The following SLC28A1 variants were observed in gnomAD, a reference collection of about 807,000 sequenced individuals.
The protein encoded by SLC28A1 is solute carrier family 28 member 1.
Under a neutral mutation model 74.8 loss-of-function variants are expected in SLC28A1, and 64 were observed. That is an observed-to-expected ratio of 0.86 (90% CI 0.70 to 1.05). SLC28A1 has a LOEUF of 1.05. SLC28A1 is among the 50% of genes least tolerant of loss of function. The pLI is 0.00. For missense variants in SLC28A1, 828 were observed against 822.8 expected, an observed-to-expected ratio of 1.01 and a Z score of -0.08; for synonymous variants, 359 against 335.0, an observed-to-expected ratio of 1.07 and a Z score of -0.78.
At chr15:84,919,870 C>G (rs942998374) in intron 10 of SLC28A1, among the ~76,000 whole-genome samples, 4 of 152,158 alleles carry the variant, frequency 2.6e-5, no homozygotes, top group African/African-American at 9.7e-5. Flanking sequence ...TAAGAGCACA[C>G]ACAGCATAGC....
At position 84,944,973 on chromosome 15, in the gene SLC28A1, C is replaced by T. The variant is rs906465834; in HGVS notation, c.1874+106C>T. The stretch of plus-strand genomic sequence containing the variant: ...TACCAGGGTGAGGGTAGAAATGTTA[C>T]GGCTGCAGCTAATGGGGAGGTGAAG... On this transcript the variant is annotated intron_variant, in intron 18 of 18. Transcript: ENST00000394573. 4.1e-5 allele frequency: 44 copies of T among 1,070,546 alleles called. 1 individual carries two copies. Among genetic ancestry groups the T allele is most frequent in the Admixed American group, 1.6e-4 (9 of 56,592 alleles). The allele number at this position is 1,070,546 out of a possible 1,614,324, so 66.3% of individuals were successfully genotyped here. A position where few individuals can be genotyped will look rare whatever the true frequency, so the allele number is the denominator to read the frequency against.
At chr15:84,895,225 T>A in intron 6 of SLC28A1, 102 bp downstream of exon 6, 1 of 1,578,586 alleles carries the variant, frequency 6.3e-7, no homozygotes. Context: ...GAAGGCTCTG[T>A]GTCATGGAGA....
chr15:84,908,747 C>T lies in SLC28A1; in HGVS notation c.747C>T (p.Ser249=). 6.2e-7 allele frequency: 1 copy of T among 1,613,990 alleles called. No individual in the cohort carries two copies. Among genetic ancestry groups the T allele is most frequent in the Non-Finnish European group, 8.5e-7 (1 of 1,179,988 alleles). The part of the protein sequence containing the change: ...RIFLSYTKAG[S]SFVFGEALVK... ...TCCTGAGCTACACGAAGGCTGGCTC[C>T]AGCTTCGTGTTTGGGGAGGCGCTGG... is the stretch of plus-strand genomic sequence containing the variant. The change falls in exon 9 of 19, where the codon TCC becomes TCT. Residue 249 remains serine (S), a synonymous_variant. Coordinates refer to ENST00000394573, the MANE Select transcript of SLC28A1 (RefSeq NM_004213.5).
At chr15:84,891,645 C>A (rs558188319) in intron 5 of SLC28A1, among the ~76,000 whole-genome samples, 40 of 152,276 alleles carry the variant, frequency 2.6e-4, no homozygotes, top group Non-Finnish European at 4.7e-4. Flanking sequence ...GCAAGACCCG[C>A]AGGACAAAAA....
At chr15:84,908,925 G>A (rs982257057) in intron 9 of SLC28A1, 130 bp downstream of exon 9, 4 of 763,734 alleles carry the variant, frequency 5.2e-6, no homozygotes, top group Non-Finnish European at 6.9e-6. Flanking sequence ...CGCCGTACTG[G>A]GAAGTTAGTG....
chr15:84,968,339 G>A, the SLC28A1 span, among the ~76,000 whole-genome samples: 20 of 152,318 alleles, frequency 1.3e-4, no homozygotes, highest in African/African-American at 4.8e-4. Flanking sequence ...CTGGCTCAGG[G>A]TCTCTCACGC....
the SLC28A1 span, among the ~76,000 whole-genome samples, chr15:84,963,818 C>A: frequency 1.3e-5 from 2 of 152,148 alleles, no homozygotes; most frequent in African/African-American, 4.8e-5. Context: ...AGATCCAGCC[C>A]CTGATGACCC....
intron 12 of SLC28A1, chr15:84,926,492 T>C (rs972070483): frequency 4.4e-6 from 2 of 449,870 alleles, no homozygotes. Flanking sequence ...CATGAGCCAT[T>C]GCATCCAGCT....
chr15:84,956,468 C>CTTCTTTCTTTCTTTCT, the SLC28A1 span, among the ~76,000 whole-genome samples: 44 of 67,126 alleles, frequency 6.6e-4, no homozygotes, highest in African/African-American at 2.0e-3. Flanking sequence ...TCTTTCTTTC[C>CTTCTTTCTTTCTTTCT]TTCTTTCTTT....
In SLC28A1 at chr15:84,904,094, C is replaced by A. The variant is rs375417685; in HGVS notation, c.462-3C>A. 6 of 1,614,070 alleles carry A rather than the reference C, an allele frequency of 3.7e-6. No individual in the cohort carries two copies. The highest frequency in any genetic ancestry group is 5.1e-6 in the Non-Finnish European group (6 of 1,180,046). On this transcript the variant is annotated splice_polypyrimidine_tract_variant and splice_region_variant and intron_variant, in intron 6 of 18. Coordinates refer to ENST00000394573, the MANE Select transcript of SLC28A1 (RefSeq NM_004213.5). ...GTAATGGCTTTCTGTCTCTTGCCTGCAGGGGTCTAGCTCTTGCTGCTTTCC... is the reference window on the plus strand; with the variant it reads ...GTAATGGCTTTCTGTCTCTTGCCTGAAGGGGTCTAGCTCTTGCTGCTTTCC...
the SLC28A1 span, among the ~76,000 whole-genome samples, chr15:84,955,028 C>T: frequency 6.6e-6 from 1 of 152,340 alleles, no homozygotes; most frequent in Non-Finnish European, 1.5e-5. Context: ...AAAGAGTTCT[C>T]CCTGCTCTGT....
intron 15 of SLC28A1, among the ~76,000 whole-genome samples, chr15:84,938,196 A>AT (rs1972173767): frequency 1.5e-5 from 1 of 65,434 alleles, no homozygotes; most frequent in Non-Finnish European, 2.9e-5. Flanking sequence ...GTGAAACTCC[A>AT]TCTCAAAAAA....
At chr15:84,928,523 GTTCGTTCTTTCTTTCTTTCT>G (rs1970774438) in intron 12 of SLC28A1, among the ~76,000 whole-genome samples, 3 of 39,862 alleles carry the variant, frequency 7.5e-5, no homozygotes, top group East Asian at 8.9e-4. Flanking sequence ...TCCCAGGTTC[GTTCGTTCTTTCTTTCTTTCT>G]TTCTTTCTTT....
At chr15:84,902,554 A>C (rs1332489576) in intron 6 of SLC28A1, among the ~76,000 whole-genome samples, 1 of 152,076 alleles carries the variant, frequency 6.6e-6, no homozygotes, top group African/African-American at 2.4e-5. Flanking sequence ...GAGGGAGGCA[A>C]GGATTACTAA....
At chr15:84,958,957 G>A in the SLC28A1 span, among the ~76,000 whole-genome samples, 87 of 151,854 alleles carry the variant, frequency 5.7e-4, no homozygotes, top group Middle Eastern at 6.8e-3. Flanking sequence ...AAAATTAGCA[G>A]GGTTGAGTGG....
intron 5 of SLC28A1, 85 bp downstream of exon 5, chr15:84,890,619 C>A: frequency 9.1e-7 from 1 of 1,098,416 alleles, no homozygotes; most frequent in South Asian, 1.3e-5. Context: ...TTCACTCACC[C>A]AGTCATTCAA....
At chr15:84,962,102 TCTCA>T in the SLC28A1 span, among the ~76,000 whole-genome samples, 1 of 152,100 alleles carries the variant, frequency 6.6e-6, no homozygotes, top group African/African-American at 2.4e-5. Flanking sequence ...AGAGACAGGG[TCTCA>T]CTCTGCCACC....
intron 15 of SLC28A1, among the ~76,000 whole-genome samples, chr15:84,935,944 GGTTTTTGTTTTTTT>G (rs1451139929): frequency 2.2e-5 from 2 of 90,106 alleles, no homozygotes; most frequent in Non-Finnish European, 2.1e-5. Context: ...GTTTTGGTTT[GGTTTTTGTTTTTTT>G]TTTTTTTTTT....
Position 84,924,080 on chromosome 15 carries a change from C to T in SLC28A1, c.1053C>T (p.Gly351=). Residue 351 remains glycine (G), a synonymous_variant, in exon 12 of 19, where the codon GGC becomes GGT. Coordinates refer to ENST00000394573, the MANE Select transcript of SLC28A1 (RefSeq NM_004213.5). ...VMTGGYATIA[G]SLLGAYISFG... ...CCGGAGGTTACGCCACCATTGCTGG[C>T]AGCCTGCTGGGTGCCTACATCTCCT... The T allele has an allele frequency of 1.9e-6, 3 of 1,613,850 alleles. No homozygotes were observed. Among genetic ancestry groups the T allele is most frequent in the Non-Finnish European group, 2.5e-6 (3 of 1,180,010 alleles).
Sources: gnomAD v4.1 joint callset for allele counts (sites outside exome capture counted in the v4.1 genomes callset) on GRCh38, gnomAD v4.1.1 for gene constraint, MANE v1.5 for transcripts, NCBI Gene and HGNC (gene_info 2026-07-23, HGNC 2026-07-21) for gene names.